The following ACTG2 variants were observed in gnomAD, a reference collection of about 807,000 sequenced individuals.
The protein encoded by ACTG2 is actin gamma 2, smooth muscle.
In ACTG2, 16 loss-of-function variants were observed where a neutral mutation model predicts 37.6. That is an observed-to-expected ratio of 0.43 (90% CI 0.29 to 0.65). ACTG2 has a LOEUF of 0.65. ACTG2 is among the 30% of genes least tolerant of loss of function. ACTG2 has a pLI of 0.18. For synonymous variants in ACTG2, 181 were observed against 179.9 expected, an observed-to-expected ratio of 1.01 and a Z score of -0.05; for missense variants, 238 against 490.9, an observed-to-expected ratio of 0.48 and a Z score of 4.87.
chr2:73,893,720 T>C (rs974763222), intron 1 of ACTG2, among the ~76,000 whole-genome samples: 3 of 152,098 alleles, frequency 2.0e-5, no homozygotes, highest in African/African-American at 7.2e-5. Flanking sequence ...GATGAGGACA[T>C]TGAGGCCTAG....
At chr2:73,910,416 G>T (rs1462163105) in intron 5 of ACTG2, among the ~76,000 whole-genome samples, 1 of 113,514 alleles carries the variant, frequency 8.8e-6, no homozygotes, top group African/African-American at 3.3e-5. Flanking sequence ...CACCAGGCTG[G>T]AGTGCAGTAG....
intron 1 of ACTG2, among the ~76,000 whole-genome samples, chr2:73,894,481 T>C (rs1447455281): frequency 6.6e-6 from 1 of 152,206 alleles, no homozygotes; most frequent in Non-Finnish European, 1.5e-5. Flanking sequence ...TCTTTCCTCT[T>C]TCCCCTTGTT....
intron 1 of ACTG2, chr2:73,896,897 G>C (rs1679758665): frequency 6.6e-6 from 1 of 152,230 alleles, no homozygotes; most frequent in Non-Finnish European, 1.5e-5. Context: ...TTTGACTCTG[G>C]TTCAGCTGAC....
intron 3 of ACTG2, chr2:73,903,020 C>T: frequency 2.6e-6 from 1 of 379,142 alleles, no homozygotes; most frequent in Non-Finnish European, 4.8e-6. Flanking sequence ...TGGACTGATG[C>T]TAGACTATGA....
chr2:73,904,742 T>G (rs1419138588), intron 3 of ACTG2, among the ~76,000 whole-genome samples: 1 of 90,944 alleles, frequency 1.1e-5, no homozygotes, highest in Non-Finnish European at 2.1e-5. Context: ...TAAATCATTG[T>G]GTGTGTGTGT....
At chr2:73,901,677 C>G in intron 2 of ACTG2, 1 of 643,468 alleles carries the variant, frequency 1.6e-6, no homozygotes, top group East Asian at 3.7e-5. Context: ...AGAGCAGGAC[C>G]CTTTAAATAG....
chr2:73,903,939 C>CAAAAAAAAAAAAAAAA (rs61362643), intron 3 of ACTG2, among the ~76,000 whole-genome samples: 1 of 90,020 alleles, frequency 1.1e-5, no homozygotes, highest in Non-Finnish European at 2.1e-5. Context: ...GACTCCGTCT[C>CAAAAAAAAAAAAAAAA]AAAAAAAAAA....
intron 5 of ACTG2, among the ~76,000 whole-genome samples, chr2:73,909,468 G>T (rs1680082241): frequency 6.6e-6 from 1 of 152,182 alleles, no homozygotes; most frequent in Non-Finnish European, 1.5e-5. Flanking sequence ...TGTAAGTGCA[G>T]TTACACATTG....
intron 7 of ACTG2, among the ~76,000 whole-genome samples, chr2:73,915,875 G>A (rs73950314): frequency 0.039 from 5,938 of 152,252 alleles, 381 homozygotes; most frequent in African/African-American, 0.13. Context: ...ACCTAGGGCT[G>A]GGGCAGGGAT....
intron 5 of ACTG2, among the ~76,000 whole-genome samples, chr2:73,911,957 TTACTCCC>T (rs1680149121): frequency 6.6e-6 from 1 of 152,208 alleles, no homozygotes; most frequent in Non-Finnish European, 1.5e-5. Flanking sequence ...ATATTTTCCA[TTACTCCC>T]TACAATGTGC....
In ACTG2 at chr2:73,914,849, C is replaced by T. The variant is rs764306389; in HGVS notation, c.783C>T (p.Thr261=). The T allele has an allele frequency of 3.8e-6, 6 of 1,589,446 alleles. No individual in the cohort carries two copies. The African/African-American group carries it at 8.1e-5, about 21-fold the overall frequency. Residue 261 remains threonine, a synonymous_variant, in exon 7 of 9, where the codon ACC becomes ACT. Transcript: ENST00000345517. The part of the protein sequence containing the change: ...IGNERFRCPE[T]LFQPSFIGME... Reference sequence around the variant, plus strand: ...ATGAGCGCTTCCGCTGCCCTGAGACCCTCTTCCAGCCTTCCTTTATTGGTG... The same window carrying T: ...ATGAGCGCTTCCGCTGCCCTGAGACTCTCTTCCAGCCTTCCTTTATTGGTG...
chr2:73,908,227 C>T, intron 3 of ACTG2: 1 of 467,878 alleles, frequency 2.1e-6, no homozygotes, highest in South Asian at 1.6e-5. Flanking sequence ...GAACTGTGCT[C>T]ATGGAGGGCC....
chr2:73,898,660 CCCAAGAA>C (rs926074719), intron 1 of ACTG2, among the ~76,000 whole-genome samples: 45 of 152,012 alleles, frequency 3.0e-4, no homozygotes, highest in Non-Finnish European at 7.4e-5. Flanking sequence ...CAAGGGTGGC[CCCAAGAA>C]CCACACACAG....
intron 6 of ACTG2, among the ~76,000 whole-genome samples, chr2:73,913,929 T>C (rs1680197472): frequency 6.6e-6 from 1 of 152,066 alleles, no homozygotes; most frequent in Non-Finnish European, 1.5e-5. Flanking sequence ...TGCATTTCAT[T>C]ACCTAGGGGC....
In ACTG2 at chr2:73,908,194, C is replaced by T. The variant is rs1213856108; in HGVS notation, c.256-479C>T. 5 of 451,858 alleles carry T rather than the reference C, an allele frequency of 1.1e-5. No individual in the cohort carries two copies. The East Asian group carries it at 3.5e-4, about 31-fold the overall frequency. 28.0% of individuals were successfully genotyped at this position (451,858 alleles called of 1,614,324 possible). A position where few individuals can be genotyped will look rare whatever the true frequency, so the allele number is the denominator to read the frequency against. The stretch of plus-strand genomic sequence containing the variant: ...TTGGAGCTTAGTGAGAGCTTGAGCT[C>T]TGAAAGAGGGGCTGCCCAACAGGAA... On this transcript the variant is annotated intron_variant, in intron 3 of 8. Coordinates refer to ENST00000345517, the MANE Select transcript of ACTG2 (RefSeq NM_001615.4).
intron 1 of ACTG2, among the ~76,000 whole-genome samples, chr2:73,896,180 T>A (rs554893860): frequency 3.4e-4 from 51 of 151,618 alleles, no homozygotes; most frequent in South Asian, 4.2e-4. Context: ...CAAAAAAAAT[T>A]TTTTTTTGAA....
At chr2:73,896,843 C>T (rs901750385) in intron 1 of ACTG2, 20 of 152,222 alleles carry the variant, frequency 1.3e-4, no homozygotes, top group African/African-American at 4.8e-4. Context: ...TCTCTGCTCC[C>T]TGCCAAGCAT....
intron 8 of ACTG2, among the ~76,000 whole-genome samples, chr2:73,917,835 C>G (rs1406740880): frequency 6.6e-6 from 1 of 152,066 alleles, no homozygotes; most frequent in Admixed American, 6.6e-5. Context: ...ATTACTGAGG[C>G]CTGTCCTGTG....
intron 1 of ACTG2, chr2:73,897,267 G>C (rs1679766600): frequency 6.6e-6 from 1 of 152,284 alleles, no homozygotes; most frequent in Non-Finnish European, 1.5e-5. Flanking sequence ...GAGAGAGTTT[G>C]GGGAGGGAGA....
Sources: allele counts gnomAD v4.1 joint callset (sites outside exome capture counted in the v4.1 genomes callset), GRCh38; gene constraint gnomAD v4.1.1; transcripts MANE v1.5; gene names NCBI Gene and HGNC (gene_info 2026-07-23, HGNC 2026-07-21).